Variants in WNT8A observed in about 807,000 individuals in gnomAD.
WNT8A encodes the protein Wnt family member 8A, also known as protein Wnt-8a.
A neutral mutation model predicts 20.5 loss-of-function variants in WNT8A; 14 were observed. That is an observed-to-expected ratio of 0.68 (90% CI 0.45 to 1.07). The LOEUF (loss-of-function observed/expected upper bound fraction) is 1.07, where lower values mean the gene tolerates loss of function less well. WNT8A is among the 50% of genes least tolerant of loss of function. The pLI is 0.00. For synonymous variants in WNT8A, 167 were observed against 169.2 expected, an observed-to-expected ratio of 0.99 and a Z score of 0.10; for missense variants, 397 against 462.9, an observed-to-expected ratio of 0.86 and a Z score of 1.31.
upstream of WNT8A, among the ~76,000 whole-genome samples, chr5:138,080,447 T>TTTTTG (rs1750475904): frequency 1.1e-5 from 1 of 94,568 alleles, no homozygotes; most frequent in Non-Finnish European, 2.3e-5. Flanking sequence ...AAATCTTGTT[T>TTTTTG]TTTTTTTTTT....
chr5:138,087,568 A>G (rs1750705984), intron 2 of WNT8A, among the ~76,000 whole-genome samples: 1 of 136,550 alleles, frequency 7.3e-6, no homozygotes, highest in Non-Finnish European at 1.5e-5. Flanking sequence ...GGGGCAGGAG[A>G]ATTGCTTGAA....
upstream of WNT8A, among the ~76,000 whole-genome samples, chr5:138,081,989 G>A (rs1217905774): frequency 2.0e-5 from 3 of 152,134 alleles, no homozygotes; most frequent in African/African-American, 7.2e-5. Context: ...CTTTGGTGGG[G>A]GGATCTCTGA....
At chr5:138,091,887 AAAG>A (rs2151149950), downstream of WNT8A, among the ~76,000 whole-genome samples, 1 of 151,854 alleles carries the variant, frequency 6.6e-6, no homozygotes, top group Non-Finnish European at 1.5e-5. Context: ...AATAAAGAGA[AAAG>A]AAAATAAATT....
At chr5:138,077,743 G>A in the WNT8A span, among the ~76,000 whole-genome samples, 1 of 152,090 alleles carries the variant, frequency 6.6e-6, no homozygotes, top group Non-Finnish European at 1.5e-5. Flanking sequence ...CTCTTCCTAG[G>A]CTAATGGTGA....
chr5:138,090,729 G>A lies in WNT8A; in HGVS notation c.766G>A (p.Ala256Thr), dbSNP rs192905019. ...CAGCGCCGAGGGCCACTGGGTGCCCGCTGAGGCCTTCCTTCCTAGCGCAGA... is the reference window on the plus strand; with the variant it reads ...CAGCGCCGAGGGCCACTGGGTGCCCACTGAGGCCTTCCTTCCTAGCGCAGA... ...GNSAEGHWVP[A>T]EAFLPSAEAE... The change falls in exon 5 of 5, where the codon GCT becomes ACT. Residue 256 changes from alanine (A) to threonine (T), a missense_variant. By Grantham distance (58) the Ala-to-Thr change is moderately conservative. Transcript: ENST00000506684. 70 of 1,614,236 alleles carry A rather than the reference G, an allele frequency of 4.3e-5. No individual in the cohort carries two copies. In the East Asian group the frequency reaches 6.5e-4, roughly 15 times the overall value.
downstream of WNT8A, chr5:138,091,645 G>A (rs1750859164): frequency 3.5e-6 from 2 of 563,528 alleles, no homozygotes; most frequent in Non-Finnish European, 5.4e-6. Flanking sequence ...GGACAACATA[G>A]AAAGACACCA....
At chr5:138,080,319 C>CAAAA (rs1213283315), upstream of WNT8A, among the ~76,000 whole-genome samples, 1 of 65,560 alleles carries the variant, frequency 1.5e-5, no homozygotes, top group Non-Finnish European at 3.2e-5. Context: ...GACTCCTTCT[C>CAAAA]AAAAAAAAAA....
chr5:138,088,743 G>A lies in WNT8A; in HGVS notation c.422-184G>A, dbSNP rs529655206. Among the ~76,000 whole-genome samples the A allele has an allele frequency of 1.2e-3, 189 of 152,188 alleles. 4 individuals carry two copies. In the South Asian group the frequency reaches 0.037, roughly 30 times the overall value. The stretch of plus-strand genomic sequence containing the variant: ...ATAGAAGACTAATTGCTTATGGCTG[G>A]GAAGTGTCTGAAGGGTGGGCAGTTG... On this transcript the variant is annotated intron_variant, in intron 3 of 4. Coordinates refer to ENST00000506684, the MANE Select transcript of WNT8A (RefSeq NM_001300939.2).
chr5:138,084,363 G>C, intron 1 of WNT8A, 80 bp downstream of exon 1: 2 of 1,568,578 alleles, frequency 1.3e-6, no homozygotes, highest in Non-Finnish European at 1.7e-6. Context: ...GGCGGGGACA[G>C]TGCCAGAGCC....
In WNT8A at chr5:138,090,707, C is replaced by A. The variant is rs761534255; in HGVS notation, c.744C>A (p.Ser248Arg). Residue 248 changes from serine to arginine, a missense_variant, in exon 5 of 5, where the codon AGC becomes AGA. Physicochemically the swap from Ser to Arg is moderately radical, Grantham distance 110 (BLOSUM62 -1). Transcript: ENST00000506684. ...AGCGGCAGCTGAGAGCTGGGAACAG[C>A]GCCGAGGGCCACTGGGTGCCCGCTG... The part of the protein sequence containing the change: ...MDKRQLRAGN[S>R]AEGHWVPAEA... 1.9e-6 allele frequency: 3 copies of A among 1,614,086 alleles called. No individual in the cohort carries two copies. In the African/African-American group the frequency reaches 4.0e-5, roughly 22 times the overall value.
At chr5:138,079,920 G>A (rs1274223973), upstream of WNT8A, among the ~76,000 whole-genome samples, 1 of 152,134 alleles carries the variant, frequency 6.6e-6, no homozygotes, top group African/African-American at 2.4e-5. Context: ...TCCAGCACAG[G>A]GGTCTTATGT....
chr5:138,084,955 G>C (rs144829131), intron 2 of WNT8A, among the ~76,000 whole-genome samples: 26 of 147,694 alleles, frequency 1.8e-4, no homozygotes, highest in African/African-American at 6.5e-4. Flanking sequence ...TTCTTTTTTT[G>C]AGACGGAGTC....
chr5:138,085,573 C>A (rs1488233119), intron 2 of WNT8A, among the ~76,000 whole-genome samples: 2 of 152,040 alleles, frequency 1.3e-5, no homozygotes, highest in East Asian at 3.9e-4. Context: ...TGGCTAAGCA[C>A]GTGTTGGAAC....
Position 138,088,972 on chromosome 5 carries a change from T to C in WNT8A, c.467T>C (p.Phe156Ser), listed in dbSNP as rs1750760497. The change falls in exon 4 of 5, where the codon TTT becomes TCT. Residue 156 changes from phenylalanine to serine, a missense_variant. Coordinates refer to ENST00000506684, the MANE Select transcript of WNT8A (RefSeq NM_001300939.2). ...IWGGCSDNVE[F>S]GERISKLFVD... ...GGAGGCTGCAGCGACAATGTGGAAT[T>C]TGGGGAAAGGATCTCCAAACTCTTT... 6.2e-7 allele frequency: 1 copy of C among 1,613,830 alleles called. No individual in the cohort carries two copies. The highest frequency in any genetic ancestry group is 8.5e-7 in the Non-Finnish European group (1 of 1,179,958).
intron 2 of WNT8A, among the ~76,000 whole-genome samples, chr5:138,087,181 A>AC (rs1247051549): frequency 6.7e-6 from 1 of 148,942 alleles, no homozygotes; most frequent in Non-Finnish European, 1.5e-5. Flanking sequence ...ACATGGTGAA[A>AC]CCCCATCTCT....
chr5:138,091,528 T>C lies in WNT8A; in HGVS notation c.*455T>C. Reference sequence around the variant, plus strand: ...AGAGCAGCCTGTGGCTACAAATCTATGCTGATAAATGAGGTAAAGACCACA... The same window carrying C: ...AGAGCAGCCTGTGGCTACAAATCTACGCTGATAAATGAGGTAAAGACCACA... On this transcript the variant is annotated 3_prime_UTR_variant, in exon 5 of 5. Transcript: ENST00000506684. 1 of 1,306,878 alleles carries C rather than the reference T, an allele frequency of 7.7e-7. No individual in the cohort carries two copies. The allele number at this position is 1,306,878 out of a possible 1,614,324, so 81.0% of individuals were successfully genotyped here. A position where few individuals can be genotyped will look rare whatever the true frequency, so the allele number is the denominator to read the frequency against.
At position 138,084,502 on chromosome 5, in the gene WNT8A, A is replaced by G. The variant is rs752011227; in HGVS notation, c.161A>G (p.Tyr54Cys). 1 of 1,605,358 alleles carries G rather than the reference A, an allele frequency of 6.2e-7. No individual in the cohort carries two copies. Among genetic ancestry groups the G allele is most frequent in the South Asian group, 1.1e-5 (1 of 89,824 alleles). ...NNFLITGPKA[Y>C]LTYTTSVALG... ...CAGCCCTTTTCCCTTTGCCAGGCCT[A>G]TCTGACCTACACGACTAGTGTGGCC... Residue 54 changes from tyrosine (Y) to cysteine (C), a missense_variant, in exon 2 of 5, where the codon TAT becomes TGT. By Grantham distance (194) the Tyr-to-Cys change is radical. Coordinates refer to ENST00000506684, the MANE Select transcript of WNT8A (RefSeq NM_001300939.2).
At position 138,087,922 on chromosome 5, in the gene WNT8A, G is replaced by A. The variant is rs1750724782; in HGVS notation, c.412G>A (p.Gly138Arg). 3.7e-6 allele frequency: 6 copies of A among 1,613,618 alleles called. No homozygotes were observed. The African/African-American group carries it at 8.0e-5, about 22-fold the overall frequency. ...CTGTGGCTGTGATGGGTCAAACAAT[G>A]GAAAAACAGGTAAGTTGAGCTTTCT... The part of the protein sequence containing the change: ...ENCGCDGSNN[G>R]KTGGHGWIWG... The change falls in exon 3 of 5, where the codon GGA becomes AGA. Residue 138 changes from glycine (G) to arginine (R), a missense_variant. Coordinates refer to ENST00000506684, the MANE Select transcript of WNT8A (RefSeq NM_001300939.2).
At chr5:138,085,879 G>A (rs989969763) in intron 2 of WNT8A, among the ~76,000 whole-genome samples, 11 of 143,656 alleles carry the variant, frequency 7.7e-5, no homozygotes, top group Non-Finnish European at 3.1e-5. Context: ...AAAAAAAGAT[G>A]AGGTTCAAAA....
Sources: allele counts gnomAD v4.1 joint callset (sites outside exome capture counted in the v4.1 genomes callset), GRCh38; gene constraint gnomAD v4.1.1; transcripts MANE v1.5; gene names NCBI Gene and HGNC (gene_info 2026-07-23, HGNC 2026-07-21).